MLIP: variants seen among roughly 807,000 people sequenced by gnomAD.
MLIP encodes the protein muscular LMNA interacting protein.
In MLIP, 79 loss-of-function variants were observed where a neutral mutation model predicts 84.8. The observed-to-expected ratio is 0.93, with a 90% confidence interval of 0.78 to 1.12. MLIP has a LOEUF of 1.12. Among genes scored for constraint, MLIP ranks in the 50% most tolerant of loss-of-function variants. The probability of loss-of-function intolerance (pLI) is 0.00; values close to 1 mark genes in which losing one functional copy is unlikely to be tolerated. For synonymous variants in MLIP, 504 were observed against 463.0 expected (o/e 1.09, Z -1.14); for missense variants, 1,257 against 1,160.6 (o/e 1.08, Z -1.21).
intron 11 of MLIP, chr6:54,215,291 C>A: frequency 2.7e-6 from 4 of 1,458,340 alleles, no homozygotes; most frequent in South Asian, 1.4e-5. Context: ...TGATAGAATT[C>A]AATGGCAAGA....
intron 1 of MLIP, among the ~76,000 whole-genome samples, chr6:54,075,632 A>T (rs978491916): frequency 2.0e-5 from 3 of 152,060 alleles, no homozygotes; most frequent in Non-Finnish European, 2.9e-5. Flanking sequence ...GGAAATGTTT[A>T]AAAAAAAGTC....
intron 11 of MLIP, among the ~76,000 whole-genome samples, chr6:54,224,682 C>T (rs1362103492): frequency 6.6e-6 from 1 of 151,910 alleles, no homozygotes; most frequent in African/African-American, 2.4e-5. Flanking sequence ...TTCTCCCATC[C>T]CCCGAGCAGT....
At chr6:54,038,922 G>A (rs988116369) in intron 1 of MLIP, among the ~76,000 whole-genome samples, 2 of 151,778 alleles carry the variant, frequency 1.3e-5, no homozygotes, top group Non-Finnish European at 2.9e-5. Context: ...AAATTAGATT[G>A]AAAACTAGCA....
intron 1 of MLIP, among the ~76,000 whole-genome samples, chr6:54,074,176 A>G (rs35307174): frequency 0.65 from 98,461 of 152,074 alleles, 34,595 homozygotes; most frequent in Non-Finnish European, 0.8. Context: ...AGCACTATTG[A>G]TAAATGGCTC....
intron 12 of MLIP, among the ~76,000 whole-genome samples, chr6:54,239,154 A>G (rs1428518621): frequency 6.6e-6 from 1 of 151,942 alleles, no homozygotes; most frequent in Non-Finnish European, 1.5e-5. Context: ...TTCACTTCAT[A>G]GCCAGAGCAG....
At chr6:54,033,265 TA>T (rs1252823211) in intron 1 of MLIP, among the ~76,000 whole-genome samples, 3 of 151,188 alleles carry the variant, frequency 2.0e-5, no homozygotes, top group Non-Finnish European at 4.4e-5. Context: ...TTGGAGGAAC[TA>T]ATTTTTTTTT....
chr6:54,169,329 C>G (rs1201363474), intron 8 of MLIP, among the ~76,000 whole-genome samples, 199 bp from the exon 9 acceptor site: 1 of 151,508 alleles, frequency 6.6e-6, no homozygotes, highest in Non-Finnish European at 1.5e-5. Flanking sequence ...GAGAAATTAC[C>G]AGAAAGCTGA....
chr6:54,115,952 A>G (rs547227018), intron 1 of MLIP, among the ~76,000 whole-genome samples: 2 of 152,332 alleles, frequency 1.3e-5, no homozygotes, highest in African/African-American at 4.8e-5. Flanking sequence ...TAAGATACAG[A>G]TATGTAAGAT....
At position 54,230,706 on chromosome 6, in the gene MLIP, C is replaced by T; in HGVS notation, c.2719-8C>T. 1.9e-6 allele frequency: 3 copies of T among 1,613,428 alleles called. No homozygotes were observed. The highest frequency in any genetic ancestry group is 2.5e-6 in the Non-Finnish European group (3 of 1,179,686). The stretch of plus-strand genomic sequence containing the variant: ...ACATCCTCTTATGCCTTTCTTCTTC[C>T]CCACCAGGATGTAACAGTCCCTCCC... On this transcript the variant is annotated splice_region_variant and splice_polypyrimidine_tract_variant and intron_variant, in intron 11 of 13. Coordinates refer to ENST00000502396, the MANE Select transcript of MLIP (RefSeq NM_001281747.2).
intron 11 of MLIP, among the ~76,000 whole-genome samples, chr6:54,227,893 G>C (rs1780688894): frequency 6.6e-6 from 1 of 152,062 alleles, no homozygotes; most frequent in African/African-American, 2.4e-5. Context: ...ATTAGAAATA[G>C]GAGATCCAGG....
At chr6:54,102,356 G>C (rs1768714290) in intron 1 of MLIP, among the ~76,000 whole-genome samples, 1 of 152,114 alleles carries the variant, frequency 6.6e-6, no homozygotes, top group African/African-American at 2.4e-5. Context: ...TGGTTTGAGT[G>C]GGTTAAGTGT....
chr6:54,115,586 A>G (rs1202461332), intron 1 of MLIP, among the ~76,000 whole-genome samples: 1 of 152,192 alleles, frequency 6.6e-6, no homozygotes, highest in Non-Finnish European at 1.5e-5. Context: ...TATAAAAAAT[A>G]CCCATTGAGA....
At chr6:54,040,216 T>G (rs1210344144) in intron 1 of MLIP, among the ~76,000 whole-genome samples, 1 of 152,014 alleles carries the variant, frequency 6.6e-6, no homozygotes, top group East Asian at 1.9e-4. Flanking sequence ...ACAGTCTTCA[T>G]GGGACCAGCA....
chr6:54,138,033 C>A lies in MLIP; in HGVS notation c.1964C>A (p.Pro655His). 1.3e-6 allele frequency: 2 copies of A among 1,536,120 alleles called. No individual in the cohort carries two copies. The highest frequency in any genetic ancestry group is 1.7e-6 in the Non-Finnish European group (2 of 1,146,896). The change falls in exon 4 of 14, where the codon CCC becomes CAC. Residue 655 changes from proline (P) to histidine (H), a missense_variant. Physicochemically the swap from Pro to His is moderately conservative, Grantham distance 77 (BLOSUM62 -2). Coordinates refer to ENST00000502396, the MANE Select transcript of MLIP (RefSeq NM_001281747.2). ...TCCAGTGCTGACTTTGCCTCTCTTCCCAACTTGAGGTCCTCCTCTCTCCCT... is the reference window on the plus strand; with the variant it reads ...TCCAGTGCTGACTTTGCCTCTCTTCACAACTTGAGGTCCTCCTCTCTCCCT... Reference protein sequence around the residue: ...PVSSADFASLPNLRSSSLPHA... With the variant: ...PVSSADFASLHNLRSSSLPHA...
At chr6:54,073,691 C>T (rs1766623232) in intron 1 of MLIP, among the ~76,000 whole-genome samples, 1 of 152,150 alleles carries the variant, frequency 6.6e-6, no homozygotes, top group African/African-American at 2.4e-5. Flanking sequence ...TCAGGTGACG[C>T]CATGCTGCTG....
chr6:54,190,083 C>T (rs1562037528), intron 10 of MLIP, among the ~76,000 whole-genome samples, 169 bp downstream of exon 10: 1 of 152,102 alleles, frequency 6.6e-6, no homozygotes, highest in Non-Finnish European at 1.5e-5. Context: ...GGTTGTTTTG[C>T]AGGTGACAAA....
chr6:54,058,342 A>T (rs975201442), intron 1 of MLIP, among the ~76,000 whole-genome samples: 9 of 152,176 alleles, frequency 5.9e-5, no homozygotes, highest in Non-Finnish European at 1.3e-4. Flanking sequence ...TGCATTTTGG[A>T]CATTGCATGT....
At chr6:54,034,242 A>G (rs1490926686) in intron 1 of MLIP, among the ~76,000 whole-genome samples, 1 of 152,220 alleles carries the variant, frequency 6.6e-6, no homozygotes, top group African/African-American at 2.4e-5. Context: ...TAGTGTGTAA[A>G]CCTAGGATAC....
intron 11 of MLIP, among the ~76,000 whole-genome samples, chr6:54,218,666 A>C (rs1451333177): frequency 6.6e-6 from 1 of 151,874 alleles, no homozygotes; most frequent in Admixed American, 6.6e-5. Flanking sequence ...CTACAGGTGC[A>C]CGCCATCATA....
Sources: gnomAD v4.1 joint callset for allele counts (sites outside exome capture counted in the v4.1 genomes callset) on GRCh38, gnomAD v4.1.1 for gene constraint, MANE v1.5 for transcripts, NCBI Gene and HGNC (gene_info 2026-07-23, HGNC 2026-07-21) for gene names.